KIF13B: variants seen among roughly 807,000 people sequenced by gnomAD.
KIF13B encodes the protein kinesin-like protein KIF13B.
KIF13B carries 127 observed loss-of-function variants against 222.0 expected under a neutral mutation model. The observed-to-expected ratio is 0.57, with a 90% confidence interval of 0.50 to 0.66. The LOEUF (loss-of-function observed/expected upper bound fraction) is 0.66, where lower values mean the gene tolerates loss of function less well. KIF13B is among the 30% of genes least tolerant of loss of function. The pLI is 0.00. For missense variants in KIF13B, 2,173 were observed against 2,379.0 expected (o/e 0.91, Z 1.80); for synonymous variants, 976 against 919.0 (o/e 1.06, Z -1.12).
chr8:29,183,772 G>A (rs919063931), intron 6 of KIF13B, among the ~76,000 whole-genome samples: 7 of 152,174 alleles, frequency 4.6e-5, no homozygotes, highest in African/African-American at 9.7e-5. Flanking sequence ...TGACAGTGAG[G>A]ACTCCAAATG....
intron 1 of KIF13B, among the ~76,000 whole-genome samples, chr8:29,254,226 T>C (rs1333811888): frequency 6.6e-6 from 1 of 152,134 alleles, no homozygotes; most frequent in East Asian, 1.9e-4. Context: ...GCTAAACCTA[T>C]CAAACTCTTA....
chr8:29,129,056 T>G (rs1328593387), intron 24 of KIF13B, among the ~76,000 whole-genome samples: 2 of 152,168 alleles, frequency 1.3e-5, no homozygotes, highest in Admixed American at 1.3e-4. Flanking sequence ...TGCCATTAAG[T>G]TGGTGAAAAT....
chr8:29,230,654 C>G (rs902609224), intron 2 of KIF13B, among the ~76,000 whole-genome samples: 1 of 152,146 alleles, frequency 6.6e-6, no homozygotes, highest in Non-Finnish European at 1.5e-5. Context: ...ATTATGAGCA[C>G]GTGAAGCTGG....
intron 2 of KIF13B, among the ~76,000 whole-genome samples, chr8:29,203,707 A>G (rs1273464332): frequency 1.3e-5 from 2 of 152,070 alleles, no homozygotes; most frequent in Admixed American, 6.5e-5. Flanking sequence ...CCTGGCCAAT[A>G]TGGTGAAACC....
chr8:29,104,804 C>T lies in KIF13B; in HGVS notation c.4215+3335G>A, dbSNP rs1021957926. On this transcript the variant is annotated intron_variant, in intron 35 of 39. Transcript: ENST00000524189. Reference sequence around the variant, plus strand: ...TGTCGCCCAGGCTGGAGTGCAGTGGCGCGATCTCGGCTCACTGCAGGCTCC... The same window carrying T: ...TGTCGCCCAGGCTGGAGTGCAGTGGTGCGATCTCGGCTCACTGCAGGCTCC... 4.7e-5 allele frequency among the ~76,000 whole-genome samples: 7 copies of T among 150,214 alleles called. No individual in the cohort carries two copies. In the East Asian group the frequency reaches 5.9e-4, roughly 13 times the overall value.
intron 2 of KIF13B, among the ~76,000 whole-genome samples, chr8:29,235,107 C>A (rs554895336): frequency 1.3e-5 from 2 of 152,168 alleles, no homozygotes; most frequent in East Asian, 3.9e-4. Context: ...ACCGTATAAT[C>A]CTAATATTAG....
At chr8:29,158,063 C>T (rs1811617102) in intron 13 of KIF13B, among the ~76,000 whole-genome samples, 1 of 152,140 alleles carries the variant, frequency 6.6e-6, no homozygotes, top group Admixed American at 6.5e-5. Context: ...CTTTTACTAG[C>T]TGTTTCCTCC....
rs766812686 is a variant in KIF13B at position 29,130,641 on chromosome 8, C to G, written c.2967G>C (p.Leu989Phe). Reference sequence around the variant, plus strand: ...GTTCCAAGATTTGAACCCAGAATTCCAATTTCCTGGTCACTTCACTCCATC... The same window carrying G: ...GTTCCAAGATTTGAACCCAGAATTCGAATTTCCTGGTCACTTCACTCCATC... ...RDRWSEVTRK[L>F]EFWVQILEQN... The change falls in exon 24 of 40, where the codon TTG becomes TTC. Residue 989 changes from leucine (L) to phenylalanine (F), a missense_variant. Transcript: ENST00000524189. 6.2e-7 allele frequency: 1 copy of G among 1,613,792 alleles called. No homozygotes were observed.
chr8:29,199,081 A>ATTTTTTTTTTTTTTTTTTTTTT (rs1435870446), intron 2 of KIF13B, among the ~76,000 whole-genome samples: 7 of 151,602 alleles, frequency 4.6e-5, no homozygotes, highest in East Asian at 3.9e-4. Context: ...AAAAAAATAA[A>ATTTTTTTTTTTTTTTTTTTTTT]ATTTTTTAAA....
At chr8:29,187,391 C>T (rs1267597786) in intron 5 of KIF13B, among the ~76,000 whole-genome samples, 1 of 152,076 alleles carries the variant, frequency 6.6e-6, no homozygotes, top group Non-Finnish European at 1.5e-5. Flanking sequence ...ATTAACCAGG[C>T]ACGGTGGCAG....
At chr8:29,140,639 A>G in intron 19 of KIF13B, 22 bp from the exon 20 acceptor site, 1 of 1,597,608 alleles carries the variant, frequency 6.3e-7, no homozygotes, top group East Asian at 2.2e-5. Context: ...TTGAGAACAC[A>G]CAACTTCAGA....
At chr8:29,150,182 C>A (rs962783453) in intron 15 of KIF13B, 115 bp downstream of exon 15, 6 of 627,612 alleles carry the variant, frequency 9.6e-6, no homozygotes, top group South Asian at 5.7e-5. Flanking sequence ...CAAATATATA[C>A]GTACACACAC....
In KIF13B at chr8:29,140,082, T is replaced by G; in HGVS notation, c.2594A>C (p.Glu865Ala). The stretch of plus-strand genomic sequence containing the variant: ...ACTTACCATGCACACCAGTTTGTTC[T>G]CCTGGGTCTCCTTCTCAAAGGAGAC... ...AEVSFEKETQENKLVCMVKIL... is the reference protein window; with the variant it reads ...AEVSFEKETQANKLVCMVKIL... The change falls in exon 21 of 40, where the codon GAG becomes GCG. Residue 865 changes from glutamate to alanine, a missense_variant. Around this residue, in one of 2 missense-constraint regions of KIF13B, gnomAD observed 1,480 missense variants for 1,722.8 expected, o/e 0.86. Transcript: ENST00000524189. The G allele has an allele frequency of 6.3e-7, 1 of 1,596,900 alleles. No homozygotes were observed. Among genetic ancestry groups the G allele is most frequent in the South Asian group, 1.1e-5 (1 of 88,414 alleles).
At chr8:29,225,570 C>A (rs899273566) in intron 2 of KIF13B, among the ~76,000 whole-genome samples, 3 of 152,186 alleles carry the variant, frequency 2.0e-5, no homozygotes, top group African/African-American at 7.2e-5. Context: ...GCCTGGAAAT[C>A]TAAACATTTG....
chr8:29,174,173 C>A (rs1309188566), intron 10 of KIF13B, among the ~76,000 whole-genome samples: 1 of 152,108 alleles, frequency 6.6e-6, no homozygotes, highest in Non-Finnish European at 1.5e-5. Flanking sequence ...CTGTTATTAA[C>A]TATAGTCCTT....
chr8:29,211,747 A>G (rs1814237233), intron 2 of KIF13B, among the ~76,000 whole-genome samples: 1 of 152,222 alleles, frequency 6.6e-6, no homozygotes, highest in Non-Finnish European at 1.5e-5. Flanking sequence ...GCCACAGAGG[A>G]AAGATCTCCT....
intron 1 of KIF13B, among the ~76,000 whole-genome samples, chr8:29,258,849 C>G (rs1816581041): frequency 6.6e-6 from 1 of 152,178 alleles, no homozygotes; most frequent in Non-Finnish European, 1.5e-5. Flanking sequence ...TTAATCTAAT[C>G]TTTTCACAGG....
chr8:29,155,698 G>A, intron 14 of KIF13B, 28 bp downstream of exon 14: 1 of 1,588,248 alleles, frequency 6.3e-7, no homozygotes, highest in Non-Finnish European at 8.6e-7. Context: ...AAACTCTTGT[G>A]ATATGAACAC....
At chr8:29,147,706 C>A in intron 16 of KIF13B, 104 bp from the exon 17 acceptor site, 1 of 822,482 alleles carries the variant, frequency 1.2e-6, no homozygotes, top group South Asian at 1.7e-5. Flanking sequence ...ACTATACCAC[C>A]TAATACTTTA....
Sources: gnomAD v4.1 joint callset for allele counts (sites outside exome capture counted in the v4.1 genomes callset) on GRCh38, gnomAD v4.1.1 for gene constraint, gnomAD v4.1.1 regional missense constraint, MANE v1.5 for transcripts, NCBI Gene and HGNC (gene_info 2026-07-23, HGNC 2026-07-21) for gene names.